ALAS1: variants seen among roughly 807,000 people sequenced by gnomAD.
The protein encoded by ALAS1 is 5'-aminolevulinate synthase 1.
Under a neutral mutation model 59.6 loss-of-function variants are expected in ALAS1, and 29 were observed. That is an observed-to-expected ratio of 0.49 (90% confidence interval 0.36 to 0.66). ALAS1 has a LOEUF of 0.66. Among genes scored for constraint, ALAS1 ranks in the 30% least tolerant of loss-of-function variants. The pLI is 0.00. For missense variants in ALAS1, 690 were observed against 807.5 expected (o/e 0.85, Z 1.76); for synonymous variants, 299 against 296.6 (o/e 1.01, Z -0.08).
In ALAS1 at chr3:52,206,609, C is replaced by T. The variant is rs529309571; in HGVS notation, c.1023C>T (p.Ser341=). Residue 341 remains serine, a synonymous_variant, in exon 8 of 12, where the codon TCC becomes TCT. Transcript: ENST00000484952. ...ACTCTGATTCTGGGAACCATGCCTCCATGATCCAAGGGATTCGAAACAGCC... is the reference window on the plus strand; with the variant it reads ...ACTCTGATTCTGGGAACCATGCCTCTATGATCCAAGGGATTCGAAACAGCC... The part of the protein sequence containing the change: ...EIYSDSGNHA[S]MIQGIRNSRV... The T allele has an allele frequency of 6.2e-7, 1 of 1,614,178 alleles. No individual in the cohort carries two copies. Among genetic ancestry groups the T allele is most frequent in the Non-Finnish European group, 8.5e-7 (1 of 1,180,032 alleles).
chr3:52,209,334 A>G (rs1051025333), intron 9 of ALAS1, among the ~76,000 whole-genome samples: 1 of 152,098 alleles, frequency 6.6e-6, no homozygotes, highest in Non-Finnish European at 1.5e-5. Context: ...CAGCCTCCCA[A>G]GTAGCTGGGA....
intron 6 of ALAS1, among the ~76,000 whole-genome samples, chr3:52,205,156 C>A (rs72955292): frequency 6.6e-6 from 1 of 152,210 alleles, no homozygotes; most frequent in Non-Finnish European, 1.5e-5. Context: ...TGACCACACA[C>A]GTCAGTCCAC....
chr3:52,211,387 C>G lies in ALAS1; in HGVS notation c.1435C>G (p.Pro479Ala). 1.1e-5 allele frequency: 17 copies of G among 1,614,234 alleles called. No homozygotes were observed. The highest frequency in any genetic ancestry group is 1.4e-5 in the Non-Finnish European group (17 of 1,180,042). ...CTTCATCTTCACCACCTCTCTGCCA[C>G]CCATGCTGCTGGCTGGAGCCCTGGA... is the stretch of plus-strand genomic sequence containing the variant. The part of the protein sequence containing the change: ...AGFIFTTSLP[P>A]MLLAGALESV... Residue 479 changes from proline (P) to alanine (A), a missense_variant, in exon 10 of 12, where the codon CCC becomes GCC. Pro to Ala is a conservative substitution (Grantham distance 27, BLOSUM62 -1). Coordinates refer to ENST00000484952, the MANE Select transcript of ALAS1 (RefSeq NM_000688.6).
At chr3:52,201,933 G>A (rs1008426064) in intron 3 of ALAS1, among the ~76,000 whole-genome samples, 2 of 151,962 alleles carry the variant, frequency 1.3e-5, no homozygotes, top group African/African-American at 4.8e-5. Context: ...TACTTTTTTT[G>A]GATTTATGAC....
chr3:52,202,733 A>G lies in ALAS1; in HGVS notation c.426A>G (p.Lys142=). The G allele has an allele frequency of 6.2e-7, 1 of 1,613,670 alleles. No individual in the cohort carries two copies. The highest frequency in any genetic ancestry group is 1.1e-5 in the South Asian group (1 of 91,036). The stretch of plus-strand genomic sequence containing the variant: ...TGCAGGAAATGAATGCCGTGAGGAA[A>G]GGTAAGAGATGAGTTGTGAACCATT... ...EDVQEMNAVR[K]EVAETSAGPS... is the part of the protein sequence containing the mutation. Residue 142 remains lysine (K), a splice_region_variant and synonymous_variant, in exon 4 of 12, where the codon AAA becomes AAG. Coordinates refer to ENST00000484952, the MANE Select transcript of ALAS1 (RefSeq NM_000688.6).
intron 7 of ALAS1, among the ~76,000 whole-genome samples, 156 bp downstream of exon 7, chr3:52,206,179 A>G (rs1372925747): frequency 2.0e-5 from 3 of 152,248 alleles, no homozygotes; most frequent in African/African-American, 7.2e-5. Flanking sequence ...TGCTGACTGT[A>G]CATTATGGGT....
intron 3 of ALAS1, among the ~76,000 whole-genome samples, chr3:52,200,779 T>A (rs942716883): frequency 2.0e-5 from 3 of 152,210 alleles, no homozygotes; most frequent in Non-Finnish European, 4.4e-5. Flanking sequence ...CTGCTTCTGA[T>A]AGGAGAGAAC....
At chr3:52,213,311 C>G (rs1234522640) in intron 11 of ALAS1, among the ~76,000 whole-genome samples, 2 of 152,204 alleles carry the variant, frequency 1.3e-5, no homozygotes, top group African/African-American at 4.8e-5. Flanking sequence ...GGCTCAGCTT[C>G]CTCACAGGCT....
intron 5 of ALAS1, among the ~76,000 whole-genome samples, 180 bp from the exon 6 acceptor site, chr3:52,204,513 C>T (rs980613832): frequency 6.6e-6 from 1 of 152,338 alleles, no homozygotes; most frequent in South Asian, 2.1e-4. Flanking sequence ...TTAATACTTA[C>T]CGTCTACACA....
intron 8 of ALAS1, 84 bp from the exon 9 acceptor site, chr3:52,207,999 A>G: frequency 3.0e-6 from 4 of 1,327,956 alleles, no homozygotes; most frequent in Non-Finnish European, 4.0e-6. Flanking sequence ...TTAGAATAGA[A>G]GTTTACGTTG....
chr3:52,200,094 G>A (rs1456280202), intron 3 of ALAS1, among the ~76,000 whole-genome samples: 1 of 152,178 alleles, frequency 6.6e-6, no homozygotes, highest in Non-Finnish European at 1.5e-5. Flanking sequence ...GGGATTGCAG[G>A]CGTGAGCCAC....
At position 52,204,786 on chromosome 3, in the gene ALAS1, G is replaced by A. The variant is rs757443978; in HGVS notation, c.671G>A (p.Arg224Gln). The A allele has an allele frequency of 6.8e-6, 11 of 1,614,110 alleles. No individual in the cohort carries two copies. The highest frequency in any genetic ancestry group is 1.7e-5 in the Admixed American group (1 of 60,012). The change falls in exon 6 of 12, where the codon CGG becomes CAG. Residue 224 changes from arginine to glutamine, a missense_variant. Coordinates refer to ENST00000484952, the MANE Select transcript of ALAS1 (RefSeq NM_000688.6). Reference protein sequence around the residue: ...HTYRVFKTVNRRAHIFPMADD... With the variant: ...HTYRVFKTVNQRAHIFPMADD... ...TATCGAGTTTTTAAAACTGTGAACCGGCGAGCACACATCTTCCCCATGGCA... is the reference window on the plus strand; with the variant it reads ...TATCGAGTTTTTAAAACTGTGAACCAGCGAGCACACATCTTCCCCATGGCA...
Position 52,199,193 on chromosome 3 carries a change from A to T in ALAS1, c.-32-17A>T. ...TTTGCCTGATTATTAACAACTGTTGATGTCACTCTTCATCAGTCTTTCCAC... is the reference window on the plus strand; with the variant it reads ...TTTGCCTGATTATTAACAACTGTTGTTGTCACTCTTCATCAGTCTTTCCAC... On this transcript the variant is annotated splice_polypyrimidine_tract_variant and intron_variant, in intron 2 of 11. Transcript: ENST00000484952. 2 of 1,599,998 alleles carry T rather than the reference A, an allele frequency of 1.3e-6. No homozygotes were observed. Among genetic ancestry groups the T allele is most frequent in the Non-Finnish European group, 1.7e-6 (2 of 1,167,340 alleles).
At position 52,206,724 on chromosome 3, in the gene ALAS1, G is replaced by A. The variant is rs763198624; in HGVS notation, c.1138G>A (p.Ala380Thr). 55 of 1,614,214 alleles carry A rather than the reference G, an allele frequency of 3.4e-5. No individual in the cohort carries two copies. Among genetic ancestry groups the A allele is most frequent in the Middle Eastern group, 1.6e-4 (1 of 6,062 alleles). Residue 380 changes from alanine (A) to threonine (T), a missense_variant, in exon 8 of 12, where the codon GCA (alanine) becomes ACA (threonine). Transcript: ENST00000484952. Reference protein sequence around the residue: ...RSDPSVPKIVAFETVHSMDGA... With the variant: ...RSDPSVPKIVTFETVHSMDGA... ...TGACCCCTCAGTCCCCAAGATTGTG[G>A]CATTTGAAACTGTCCATTCAATGGA... is the stretch of plus-strand genomic sequence containing the variant.
chr3:52,199,517 G>A lies in ALAS1; in HGVS notation c.199+77G>A, dbSNP rs532357636. 598 of 1,388,040 alleles carry A rather than the reference G, an allele frequency of 4.3e-4. 1 individual carries two copies. The highest frequency in any genetic ancestry group is 4.9e-4 in the Non-Finnish European group (495 of 1,002,526). The allele number at this position is 1,388,040 out of a possible 1,614,324, so 86.0% of individuals were successfully genotyped here. On this transcript the variant is annotated intron_variant, in intron 3 of 11. Transcript: ENST00000484952. ...TAGACTAGAAGCAGTCCCCACAGTG[G>A]TGGTGAGGGTCACACTCACTCACAG...
chr3:52,202,370 A>G, intron 3 of ALAS1, 137 bp from the exon 4 acceptor site: 1 of 740,030 alleles, frequency 1.4e-6, no homozygotes, highest in East Asian at 2.7e-5. Context: ...CAAAACAAAA[A>G]AAACACTTGT....
intron 11 of ALAS1, among the ~76,000 whole-genome samples, chr3:52,212,759 G>A (rs1383385163): frequency 2.0e-5 from 3 of 152,106 alleles, no homozygotes; most frequent in African/African-American, 4.8e-5. Context: ...TCGAACTCCC[G>A]ACCTCAGGTG....
At chr3:52,213,434 A>G (rs545654349) in intron 11 of ALAS1, among the ~76,000 whole-genome samples, 1 of 152,038 alleles carries the variant, frequency 6.6e-6, no homozygotes, top group African/African-American at 2.4e-5. Flanking sequence ...TTTTCTCTTT[A>G]TTTATTTTTA....
rs1392861306 is a variant in ALAS1 at position 52,205,908 on chromosome 3, T to C, written c.870T>C (p.His290=). 1.2e-6 allele frequency: 2 copies of C among 1,614,214 alleles called. No individual in the cohort carries two copies. The highest frequency in any genetic ancestry group is 1.7e-5 in the Admixed American group (1 of 60,018). Residue 290 remains histidine, a synonymous_variant, in exon 7 of 12, where the codon CAT becomes CAC. Transcript: ENST00000484952. ...TRNISGTSKF[H]VDLERELADL... ...ATATTTCTGGAACTAGTAAATTCCA[T>C]GTGGACTTAGAGCGGGAGCTGGCAG...
Sources: gnomAD v4.1 joint callset for allele counts (sites outside exome capture counted in the v4.1 genomes callset) on GRCh38, gnomAD v4.1.1 for gene constraint, MANE v1.5 for transcripts, NCBI Gene and HGNC (gene_info 2026-07-23, HGNC 2026-07-21) for gene names.